Variants in TMEFF1 observed in about 807,000 individuals in gnomAD.
The protein encoded by TMEFF1 is transmembrane protein with EGF like and two follistatin like domains 1, also known as tomoregulin-1.
A neutral mutation model predicts 47.5 loss-of-function variants in TMEFF1; 20 were observed. The ratio of observed to expected loss-of-function variants is 0.42; its 90% CI spans 0.30 to 0.61. The LOEUF (loss-of-function observed/expected upper bound fraction) is 0.61. Ranked by LOEUF, TMEFF1 falls within the 20% of genes least tolerant of loss-of-function variation. TMEFF1 has a pLI of 0.19. For synonymous variants in TMEFF1, 162 were observed against 166.3 expected (o/e 0.97, Z 0.20); for missense variants, 411 against 471.1 (o/e 0.87, Z 1.18).
chr9:100,510,901 C>T (rs1355436785), intron 3 of TMEFF1, among the ~76,000 whole-genome samples: 1 of 152,158 alleles, frequency 6.6e-6, no homozygotes, highest in Non-Finnish European at 1.5e-5. Context: ...CATGATTGGT[C>T]TTTCTAGTGT....
intron 5 of TMEFF1, among the ~76,000 whole-genome samples, chr9:100,543,400 C>T (rs1482422108): frequency 6.6e-6 from 1 of 151,660 alleles, no homozygotes; most frequent in Non-Finnish European, 1.5e-5. Flanking sequence ...TCTGGAAGTT[C>T]TGTTTGGTTC....
At chr9:100,540,842 A>G (rs1340535691) in intron 5 of TMEFF1, among the ~76,000 whole-genome samples, 2 of 152,098 alleles carry the variant, frequency 1.3e-5, no homozygotes, top group African/African-American at 4.8e-5. Context: ...ATATCTTTTC[A>G]CATATGTTGT....
chr9:100,558,568 T>A (rs1222624549), intron 7 of TMEFF1, among the ~76,000 whole-genome samples: 1 of 151,314 alleles, frequency 6.6e-6, no homozygotes, highest in Non-Finnish European at 1.5e-5. Flanking sequence ...ATAAAAGATG[T>A]GATAATTAAG....
chr9:100,571,916 C>T (rs979142872), intron 8 of TMEFF1, among the ~76,000 whole-genome samples: 3 of 152,046 alleles, frequency 2.0e-5, no homozygotes, highest in Non-Finnish European at 2.9e-5. Context: ...ATAGGGTTTG[C>T]GCTCCTATGA....
chr9:100,537,528 C>G (rs1587844091), intron 5 of TMEFF1, among the ~76,000 whole-genome samples: 1 of 152,282 alleles, frequency 6.6e-6, no homozygotes, highest in East Asian at 1.9e-4. Flanking sequence ...GATGTACTGC[C>G]TTGGTGAGAT....
chr9:100,546,437 C>G (rs898423545), intron 5 of TMEFF1, among the ~76,000 whole-genome samples: 17 of 151,608 alleles, frequency 1.1e-4, no homozygotes, highest in African/African-American at 3.6e-4. Flanking sequence ...AATCCCCCCC[C>G]CACCAGGTTC....
chr9:100,549,632 C>T (rs1171420545), intron 6 of TMEFF1, among the ~76,000 whole-genome samples: 1 of 152,162 alleles, frequency 6.6e-6, no homozygotes, highest in Non-Finnish European at 1.5e-5. Flanking sequence ...ATAGTCTTCC[C>T]AGTCCAGGTG....
intron 7 of TMEFF1, 88 bp from the exon 8 acceptor site, chr9:100,561,309 A>T (rs1373991571): frequency 6.5e-7 from 1 of 1,536,996 alleles, no homozygotes; most frequent in Admixed American, 2.1e-5. Flanking sequence ...CAGTGGGTGA[A>T]TTCATTTGCT....
At chr9:100,497,529 C>T (rs1238092812) in intron 1 of TMEFF1, among the ~76,000 whole-genome samples, 1 of 151,966 alleles carries the variant, frequency 6.6e-6, no homozygotes, top group East Asian at 1.9e-4. Context: ...CTGTCAACTC[C>T]TTAGGGATTC....
chr9:100,556,112 C>T (rs1285871493), intron 7 of TMEFF1, among the ~76,000 whole-genome samples: 1 of 152,024 alleles, frequency 6.6e-6, no homozygotes, highest in African/African-American at 2.4e-5. Context: ...CACTTGTTCT[C>T]GAGCCTGGAT....
intron 1 of TMEFF1, among the ~76,000 whole-genome samples, chr9:100,477,437 C>T (rs1238536218): frequency 6.6e-6 from 1 of 152,100 alleles, no homozygotes; most frequent in African/African-American, 2.4e-5. Context: ...CTGTCATCCT[C>T]CCTTTTTCCA....
intron 5 of TMEFF1, among the ~76,000 whole-genome samples, chr9:100,519,163 C>T (rs1838118987): frequency 6.6e-6 from 1 of 152,054 alleles, no homozygotes; most frequent in African/African-American, 2.4e-5. Flanking sequence ...CCTGTAATCT[C>T]AATCTCAGCA....
At chr9:100,531,526 A>G (rs1300486979) in intron 5 of TMEFF1, among the ~76,000 whole-genome samples, 1 of 152,162 alleles carries the variant, frequency 6.6e-6, no homozygotes, top group East Asian at 1.9e-4. Flanking sequence ...AATCCAACTT[A>G]CAAGGGATGT....
At chr9:100,566,211 C>T (rs1839123130) in intron 8 of TMEFF1, among the ~76,000 whole-genome samples, 1 of 152,148 alleles carries the variant, frequency 6.6e-6, no homozygotes, top group South Asian at 2.1e-4. Flanking sequence ...CGGGTTCAGT[C>T]CCAGTCCTCT....
intron 5 of TMEFF1, among the ~76,000 whole-genome samples, chr9:100,524,161 A>G (rs1838215259): frequency 6.6e-6 from 1 of 152,048 alleles, no homozygotes; most frequent in African/African-American, 2.4e-5. Flanking sequence ...AAAAAAAAAA[A>G]ACTAATGGCA....
chr9:100,519,555 C>T (rs1838126126), intron 5 of TMEFF1, among the ~76,000 whole-genome samples: 1 of 151,092 alleles, frequency 6.6e-6, no homozygotes, highest in Non-Finnish European at 1.5e-5. Context: ...CTTTTCTTAC[C>T]ATCTGCCTCT....
At position 100,473,330 on chromosome 9, in the gene TMEFF1, C is replaced by A; in HGVS notation, c.-215C>A. 1 of 217,448 alleles carries A rather than the reference C, an allele frequency of 4.6e-6. No homozygotes were observed. Among genetic ancestry groups the A allele is most frequent in the South Asian group, 1.6e-4 (1 of 6,072 alleles). 13.5% of individuals were successfully genotyped at this position (217,448 alleles called of 1,614,324 possible). A position where few individuals can be genotyped will look rare whatever the true frequency, so the allele number is the denominator to read the frequency against. ...GCGCGCACCCTTGCGCGCCCGCGAC[C>A]CTCGCACGCGCCCGGACCCGCCGAC... On this transcript the variant is annotated 5_prime_UTR_variant, in exon 1 of 10. Coordinates refer to ENST00000374879, the MANE Select transcript of TMEFF1 (RefSeq NM_003692.5). The surrounding 1 kb of genome is among the most constrained non-coding windows in gnomAD (Gnocchi z 5.4).
At chr9:100,492,375 T>C (rs1837571348) in intron 1 of TMEFF1, among the ~76,000 whole-genome samples, 1 of 152,232 alleles carries the variant, frequency 6.6e-6, no homozygotes, top group African/African-American at 2.4e-5. Flanking sequence ...TTCACTCATA[T>C]GAAATGTTGA....
At chr9:100,557,348 C>T (rs1838932446) in intron 7 of TMEFF1, among the ~76,000 whole-genome samples, 1 of 152,004 alleles carries the variant, frequency 6.6e-6, no homozygotes, top group Admixed American at 6.6e-5. Flanking sequence ...CATGTAAAAC[C>T]CGGCTTTCCC....
Sources: allele counts gnomAD v4.1 joint callset (sites outside exome capture counted in the v4.1 genomes callset), GRCh38; gene constraint gnomAD v4.1.1; non-coding constraint Gnocchi (gnomAD v3.1); transcripts MANE v1.5; gene names NCBI Gene and HGNC (gene_info 2026-07-23, HGNC 2026-07-21).